The following NOX4 variants were observed in gnomAD, a reference collection of about 807,000 sequenced individuals.
NOX4 encodes the protein NADPH oxidase 4.
In NOX4, 69 loss-of-function variants were observed where a neutral mutation model predicts 87.6. That is an observed-to-expected ratio of 0.79 (90% CI 0.65 to 0.96). The LOEUF (loss-of-function observed/expected upper bound fraction) is 0.96. NOX4 is among the 40% of genes least tolerant of loss of function. The pLI is 0.00. For missense variants in NOX4, 680 were observed against 681.5 expected, an observed-to-expected ratio of 1.00 and a Z score of 0.02; for synonymous variants, 275 against 238.2, an observed-to-expected ratio of 1.15 and a Z score of -1.42.
intron 17 of NOX4, among the ~76,000 whole-genome samples, chr11:89,332,187 G>A (rs922101981): frequency 5.0e-5 from 7 of 141,148 alleles, no homozygotes; most frequent in South Asian, 2.1e-4. Flanking sequence ...TTATTCACTC[G>A]TTGTATTACA....
the NOX4 span, among the ~76,000 whole-genome samples, chr11:89,537,998 T>C: frequency 1.3e-5 from 2 of 152,220 alleles, no homozygotes; most frequent in African/African-American, 4.8e-5. Context: ...TTGGAACAAC[T>C]AGTGCTTTTT....
At chr11:89,534,011 T>C in the NOX4 span, 1 of 152,224 alleles carries the variant, frequency 6.6e-6, no homozygotes, top group Non-Finnish European at 1.5e-5. Context: ...ACAAAGTTCC[T>C]ATTACAAAAG....
chr11:89,333,264 T>C (rs1279599750), intron 17 of NOX4, among the ~76,000 whole-genome samples: 2 of 151,844 alleles, frequency 1.3e-5, no homozygotes, highest in Non-Finnish European at 1.5e-5. Context: ...TCGTTCTTCC[T>C]AGCAAAGCCA....
At chr11:89,484,487 C>G (rs948809837) in intron 2 of NOX4, among the ~76,000 whole-genome samples, 4 of 152,040 alleles carry the variant, frequency 2.6e-5, no homozygotes, top group African/African-American at 9.7e-5. Context: ...GTAGTCCATA[C>G]AGTGTGGGGT....
the NOX4 span, among the ~76,000 whole-genome samples, chr11:89,525,742 G>A: frequency 6.6e-5 from 10 of 151,924 alleles, no homozygotes; most frequent in Admixed American, 2.6e-4. Flanking sequence ...AAATTTATCC[G>A]TTATGGAGGA....
intron 7 of NOX4, 122 bp from the exon 8 acceptor site, chr11:89,422,104 C>T (rs1943115344): frequency 3.8e-6 from 2 of 523,628 alleles, no homozygotes; most frequent in Middle Eastern, 4.9e-4. Context: ...ATGAGTACAT[C>T]ATATTAATCT....
chr11:89,522,018 A>C, the NOX4 span, among the ~76,000 whole-genome samples: 2 of 152,018 alleles, frequency 1.3e-5, no homozygotes, highest in Non-Finnish European at 2.9e-5. Context: ...GTTAGAAAGA[A>C]AAAACAGCAG....
intron 2 of NOX4, among the ~76,000 whole-genome samples, chr11:89,455,234 G>C (rs1232635347): frequency 2.7e-5 from 4 of 150,728 alleles, no homozygotes; most frequent in African/African-American, 1.0e-4. Context: ...TAATGTGTTT[G>C]TGTCATAATA....
At chr11:89,528,191 G>A in the NOX4 span, among the ~76,000 whole-genome samples, 1 of 152,150 alleles carries the variant, frequency 6.6e-6, no homozygotes, top group Non-Finnish European at 1.5e-5. Flanking sequence ...CTTCCATTTG[G>A]AACGGGGGTA....
chr11:89,550,343 G>A, the NOX4 span, among the ~76,000 whole-genome samples: 141 of 152,042 alleles, frequency 9.3e-4, 1 homozygote, highest in Non-Finnish European at 7.8e-4. Flanking sequence ...CAGCCACCAC[G>A]TCCAGCTAAT....
chr11:89,326,918 T>C, intron 17 of NOX4, 42 bp from the exon 18 acceptor site: 3 of 1,604,832 alleles, frequency 1.9e-6, no homozygotes, highest in Non-Finnish European at 2.6e-6. Context: ...GGTGTAAAAT[T>C]AGGCAGAACA....
the NOX4 span, among the ~76,000 whole-genome samples, chr11:89,525,707 C>A: frequency 6.6e-6 from 1 of 151,962 alleles, no homozygotes; most frequent in East Asian, 1.9e-4. Context: ...ATTGTAGAGC[C>A]AAAGTTTTAA....
the NOX4 span, among the ~76,000 whole-genome samples, chr11:89,536,123 T>G: frequency 6.7e-6 from 1 of 150,372 alleles, no homozygotes; most frequent in East Asian, 1.9e-4. Context: ...CAATCTTTCT[T>G]GATCTGGTCC....
chr11:89,484,496 G>A (rs1481625676), intron 2 of NOX4, among the ~76,000 whole-genome samples: 1 of 152,032 alleles, frequency 6.6e-6, no homozygotes, highest in Non-Finnish European at 1.5e-5. Flanking sequence ...ACAGTGTGGG[G>A]TTTAAAATGT....
intron 7 of NOX4, among the ~76,000 whole-genome samples, chr11:89,424,248 A>G (rs999672770): frequency 2.0e-5 from 3 of 151,788 alleles, no homozygotes; most frequent in Non-Finnish European, 2.9e-5. Flanking sequence ...CAAACTAATT[A>G]TAGTTAATAA....
chr11:89,573,411 C>T, the NOX4 span, among the ~76,000 whole-genome samples: 7 of 152,202 alleles, frequency 4.6e-5, no homozygotes, highest in East Asian at 3.9e-4. Context: ...TGGTGGCGGA[C>T]GCCTGTAGTC....
chr11:89,444,466 A>AACACACAC lies in NOX4; in HGVS notation c.350-242_350-235dup, dbSNP rs59319897. Among the ~76,000 whole-genome samples the AACACACAC allele has an allele frequency of 2.0e-4, 29 of 147,234 alleles. 1 individual carries two copies. The highest frequency in any genetic ancestry group is 7.3e-4 in the African/African-American group (29 of 39,656). On this transcript the variant is annotated intron_variant, in intron 4 of 17. Coordinates refer to ENST00000263317, the MANE Select transcript of NOX4 (RefSeq NM_016931.5). ...ACCCTAGTAAGTCAGGGATAAGAGA[A>AACACACAC]ACACACACACACACACACACACACA...
intron 11 of NOX4, among the ~76,000 whole-genome samples, chr11:89,378,765 T>C (rs759478089): frequency 1.3e-5 from 2 of 152,084 alleles, no homozygotes; most frequent in Non-Finnish European, 2.9e-5. Context: ...TCAAGAAATA[T>C]TTATTTAGTG....
At chr11:89,359,702 C>T (rs1458031881) in intron 12 of NOX4, among the ~76,000 whole-genome samples, 1 of 151,972 alleles carries the variant, frequency 6.6e-6, no homozygotes, top group African/African-American at 2.4e-5. Flanking sequence ...TTTGCCAATT[C>T]CAAATCATTG....
Sources: gnomAD v4.1 joint callset for allele counts (sites outside exome capture counted in the v4.1 genomes callset) on GRCh38, gnomAD v4.1.1 for gene constraint, MANE v1.5 for transcripts, NCBI Gene and HGNC (gene_info 2026-07-23, HGNC 2026-07-21) for gene names.